DPYD: variants seen among roughly 807,000 people sequenced by gnomAD.
DPYD encodes dihydropyrimidine dehydrogenase.
DPYD carries 109 observed loss-of-function variants against 116.2 expected under a neutral mutation model. The observed-to-expected ratio is 0.94, with a 90% CI of 0.80 to 1.10. DPYD has a LOEUF of 1.10. DPYD is among the 50% of genes least tolerant of loss of function. The pLI is 0.00. For missense variants in DPYD, 1,302 were observed against 1,254.5 expected (o/e 1.04, Z -0.57); for synonymous variants, 440 against 432.0 (o/e 1.02, Z -0.23).
chr1:97,404,423 T>C (rs1673538585), intron 14 of DPYD, among the ~76,000 whole-genome samples: 1 of 152,100 alleles, frequency 6.6e-6, no homozygotes. Context: ...GCACTACTTG[T>C]CTTTGCTGTT....
chr1:97,387,335 G>C (rs1672409021), intron 14 of DPYD, among the ~76,000 whole-genome samples: 1 of 152,004 alleles, frequency 6.6e-6, no homozygotes, highest in Non-Finnish European at 1.5e-5. Context: ...CATTGACTTA[G>C]CATTTTCGTG....
At chr1:97,388,449 G>T (rs1672484522) in intron 14 of DPYD, among the ~76,000 whole-genome samples, 1 of 152,130 alleles carries the variant, frequency 6.6e-6, no homozygotes, top group Admixed American at 6.5e-5. Flanking sequence ...TAGAGAAAAA[G>T]AAAGGCCCTA....
chr1:97,222,324 C>G (rs766316300), intron 19 of DPYD, among the ~76,000 whole-genome samples: 2 of 152,060 alleles, frequency 1.3e-5, no homozygotes, highest in Non-Finnish European at 2.9e-5. Context: ...CTGCAAACAT[C>G]TTAGCTAACT....
At chr1:97,624,789 G>C (rs1656831825) in intron 8 of DPYD, among the ~76,000 whole-genome samples, 2 of 152,012 alleles carry the variant, frequency 1.3e-5, no homozygotes, top group South Asian at 4.1e-4. Context: ...ACTTAAAAAA[G>C]GGAAATTTTA....
At chr1:97,782,246 C>G (rs1666788257) in intron 3 of DPYD, among the ~76,000 whole-genome samples, 1 of 152,222 alleles carries the variant, frequency 6.6e-6, no homozygotes. Context: ...TGGTTCACTT[C>G]ACATTACATA....
chr1:97,319,549 G>C (rs1668102607), intron 16 of DPYD, among the ~76,000 whole-genome samples: 1 of 140,448 alleles, frequency 7.1e-6, no homozygotes, highest in Non-Finnish European at 1.5e-5. Context: ...TTGAATCTCT[G>C]AATAGACCAA....
chr1:97,233,861 A>C (rs1246628873), intron 19 of DPYD, among the ~76,000 whole-genome samples: 1 of 152,210 alleles, frequency 6.6e-6, no homozygotes. Context: ...AGGCACAGAG[A>C]AAAGTAAATC....
chr1:97,387,337 A>G (rs1015710404), intron 14 of DPYD, among the ~76,000 whole-genome samples: 4 of 152,090 alleles, frequency 2.6e-5, no homozygotes, highest in African/African-American at 9.7e-5. Context: ...TTGACTTAGC[A>G]TTTTCGTGTA....
chr1:97,505,221 G>A (rs72729963), intron 13 of DPYD, among the ~76,000 whole-genome samples: 50 of 152,056 alleles, frequency 3.3e-4, no homozygotes, highest in South Asian at 6.2e-4. Flanking sequence ...CTTCCAAATT[G>A]AATTATGTAA....
chr1:97,334,880 C>A (rs1669205347), intron 16 of DPYD, among the ~76,000 whole-genome samples: 1 of 152,102 alleles, frequency 6.6e-6, no homozygotes, highest in Non-Finnish European at 1.5e-5. Context: ...TTTGTGCCGC[C>A]ACCTAAGAAT....
At chr1:97,602,268 T>C (rs868287551) in intron 8 of DPYD, among the ~76,000 whole-genome samples, 24 of 152,182 alleles carry the variant, frequency 1.6e-4, no homozygotes, top group African/African-American at 5.5e-4. Flanking sequence ...TATGAAGTTA[T>C]AGTATTTCAA....
At chr1:97,225,003 G>GTCTATCTATCTGTCTATCTA (rs1661028132) in intron 19 of DPYD, among the ~76,000 whole-genome samples, 1 of 127,062 alleles carries the variant, frequency 7.9e-6, no homozygotes, top group South Asian at 2.4e-4. Flanking sequence ...CTGTCTGTCT[G>GTCTATCTATCTGTCTATCTA]TCTATCTATC....
intron 18 of DPYD, among the ~76,000 whole-genome samples, chr1:97,267,214 C>T (rs1664296402): frequency 6.6e-6 from 1 of 152,088 alleles, no homozygotes; most frequent in Non-Finnish European, 1.5e-5. Context: ...TTTTTAATGA[C>T]TGCCATTGTA....
At chr1:97,265,553 T>A (rs927285319) in intron 18 of DPYD, 1 of 152,146 alleles carries the variant, frequency 6.6e-6, no homozygotes, top group Non-Finnish European at 1.5e-5. Flanking sequence ...ATGTAATATA[T>A]CCTACAAGAA....
intron 3 of DPYD, 79 bp from the exon 4 acceptor site, chr1:97,740,558 T>C: frequency 8.4e-7 from 1 of 1,186,390 alleles, no homozygotes. Flanking sequence ...TCATTCAGAG[T>C]CCGTGTCTAG....
intron 19 of DPYD, among the ~76,000 whole-genome samples, chr1:97,218,739 A>T (rs1660583276): frequency 6.6e-6 from 1 of 152,146 alleles, no homozygotes; most frequent in African/African-American, 2.4e-5. Flanking sequence ...TAAAATAATG[A>T]TATGCCAAAT....
At chr1:97,481,982 A>G (rs1160104032) in intron 13 of DPYD, among the ~76,000 whole-genome samples, 2 of 152,212 alleles carry the variant, frequency 1.3e-5, no homozygotes, top group African/African-American at 4.8e-5. Context: ...CGTTGCATTG[A>G]AAGTATCTTT....
At chr1:97,086,553 T>C (rs1305006297) in intron 21 of DPYD, among the ~76,000 whole-genome samples, 3 of 152,214 alleles carry the variant, frequency 2.0e-5, no homozygotes, top group African/African-American at 7.2e-5. Flanking sequence ...TCTAGCATGT[T>C]AGCTGTTCTT....
intron 8 of DPYD, among the ~76,000 whole-genome samples, chr1:97,624,824 T>C (rs552687717): frequency 1.3e-5 from 2 of 152,150 alleles, no homozygotes; most frequent in South Asian, 2.1e-4. Context: ...ATGGGTGGAA[T>C]TGGAGAACAT....
Sources: allele counts gnomAD v4.1 joint callset (sites outside exome capture counted in the v4.1 genomes callset), GRCh38; gene constraint gnomAD v4.1.1; transcripts MANE v1.5; gene names NCBI Gene and HGNC (gene_info 2026-07-23, HGNC 2026-07-21).